Variants in SMOC2 observed in about 807,000 individuals in gnomAD.
SMOC2 encodes the protein SPARC related modular calcium binding 2.
In SMOC2, 39 loss-of-function variants were observed where a neutral mutation model predicts 61.4. That is an observed-to-expected ratio of 0.64 (90% CI 0.49 to 0.83). SMOC2 has a LOEUF of 0.83. Ranked by LOEUF, SMOC2 falls within the 40% of genes least tolerant of loss-of-function variation. The pLI, the probability that SMOC2 is intolerant of heterozygous loss-of-function variation, is 0.00. For missense variants in SMOC2, 556 were observed against 592.9 expected, an observed-to-expected ratio of 0.94 and a Z score of 0.65; for synonymous variants, 247 against 239.9, an observed-to-expected ratio of 1.03 and a Z score of -0.27.
chr6:168,599,559 C>A (rs1245758471), intron 8 of SMOC2, among the ~76,000 whole-genome samples: 6 of 23,092 alleles, frequency 2.6e-4, no homozygotes, highest in Non-Finnish European at 6.1e-4. Context: ...CTCATACCCC[C>A]ATACACACCC....
At chr6:168,632,635 T>A (rs549625172) in intron 9 of SMOC2, among the ~76,000 whole-genome samples, 2 of 152,240 alleles carry the variant, frequency 1.3e-5, no homozygotes, top group Non-Finnish European at 2.9e-5. Flanking sequence ...TTTTGAGCTA[T>A]GATTTTTTGA....
chr6:168,644,303 C>T lies in SMOC2; in HGVS notation c.908-6378C>T, dbSNP rs1786969543. On this transcript the variant is annotated intron_variant, in intron 9 of 12. Coordinates refer to ENST00000356284, the MANE Select transcript of SMOC2 (RefSeq NM_001166412.2). ...CTTCAGCGGGGCTGCCACTCAGAGG[C>T]TCAACATCTTCCCTGCTTTTCTGTA... 2.0e-5 allele frequency among the ~76,000 whole-genome samples: 3 copies of T among 152,210 alleles called. No homozygotes were observed. The South Asian group carries it at 6.2e-4, about 31-fold the overall frequency.
In SMOC2 at chr6:168,454,507, C is replaced by T. The variant is rs1274017441; in HGVS notation, c.84+13053C>T. ...AGGACACGTGCCCCCAACTCATCTC[C>T]CCATCCTGGGTAGGGCCAGACTGCG... On this transcript the variant is annotated intron_variant, in intron 1 of 12. Transcript: ENST00000356284. Among the ~76,000 whole-genome samples the T allele has an allele frequency of 3.3e-5, 5 of 152,146 alleles. No individual in the cohort carries two copies. The East Asian group carries it at 9.6e-4, about 29-fold the overall frequency.
chr6:168,486,097 T>C (rs1782326391), intron 1 of SMOC2, among the ~76,000 whole-genome samples: 1 of 152,240 alleles, frequency 6.6e-6, no homozygotes, highest in South Asian at 2.1e-4. Flanking sequence ...TTATCTTCTC[T>C]ACTTCTTACT....
chr6:168,579,160 TC>T (rs1784871200), intron 7 of SMOC2, among the ~76,000 whole-genome samples: 1 of 152,240 alleles, frequency 6.6e-6, no homozygotes, highest in African/African-American at 2.4e-5. Context: ...TCACACTGTG[TC>T]CTGTTCCCCT....
intron 7 of SMOC2, among the ~76,000 whole-genome samples, chr6:168,570,586 CGGA>C (rs1235520975): frequency 6.6e-6 from 1 of 152,090 alleles, no homozygotes; most frequent in Non-Finnish European, 1.5e-5. Context: ...GAAAGCAAAT[CGGA>C]GGCACTGAAG....
rs748193362 is a variant in SMOC2, at chr6:168,518,726, AGT to A, written c.257-7616_257-7615del. On this transcript the variant is annotated intron_variant, in intron 2 of 12. Coordinates refer to ENST00000356284, the MANE Select transcript of SMOC2 (RefSeq NM_001166412.2). ...CATGTGTGAGTGTTATGCTTATGTG[AGT>A]GTGCATGTGTGTGAATGTGCATGTG... Among the ~76,000 whole-genome samples, 48 of 139,464 alleles carry A rather than the reference AGT, an allele frequency of 3.4e-4. No homozygotes were observed. In the South Asian group the frequency reaches 4.9e-3, roughly 14 times the overall value. 91.5% of individuals were successfully genotyped at this position (139,464 alleles called of 152,430 possible). A position where few individuals can be genotyped will look rare whatever the true frequency, so the allele number is the denominator to read the frequency against.
intron 12 of SMOC2, 70 bp from the exon 13 acceptor site, chr6:168,666,351 C>T: frequency 1.3e-6 from 2 of 1,592,542 alleles, no homozygotes; most frequent in Non-Finnish European, 1.7e-6. Flanking sequence ...AGAAGCCAAG[C>T]CTTAGTCTTC....
At chr6:168,484,844 T>C (rs1228525959) in intron 1 of SMOC2, among the ~76,000 whole-genome samples, 1 of 152,152 alleles carries the variant, frequency 6.6e-6, no homozygotes, top group African/African-American at 2.4e-5. Context: ...TAGAAGCCAG[T>C]CACTAAAAGG....
At position 168,519,202 on chromosome 6, in the gene SMOC2, T is replaced by C. The variant is rs62424676; in HGVS notation, c.257-7144T>C. Among the ~76,000 whole-genome samples, 558 of 132,050 alleles carry C rather than the reference T, an allele frequency of 4.2e-3. 5 individuals carry two copies. Among genetic ancestry groups the C allele is most frequent in the East Asian group, 0.035 (161 of 4,572 alleles). 86.6% of individuals were successfully genotyped at this position (132,050 alleles called of 152,430 possible). ...GTATGCGTGCATGTGTATGTGTGTG[T>C]ATGCATGCGTGTGTGAGAGAGTGTG... is the stretch of plus-strand genomic sequence containing the variant. On this transcript the variant is annotated intron_variant, in intron 2 of 12. Coordinates refer to ENST00000356284, the MANE Select transcript of SMOC2 (RefSeq NM_001166412.2).
At chr6:168,499,876 T>C (rs1003922329) in intron 1 of SMOC2, among the ~76,000 whole-genome samples, 6 of 152,162 alleles carry the variant, frequency 3.9e-5, no homozygotes, top group Non-Finnish European at 7.3e-5. Flanking sequence ...CATGTTCTTC[T>C]CCGCACAATT....
chr6:168,541,086 T>C (rs1050005776), intron 4 of SMOC2, among the ~76,000 whole-genome samples: 2 of 152,234 alleles, frequency 1.3e-5, no homozygotes, highest in African/African-American at 4.8e-5. Flanking sequence ...TAACAGCTAT[T>C]ATTCCTCCCT....
chr6:168,520,759 AC>A (rs1447203442), intron 2 of SMOC2, among the ~76,000 whole-genome samples: 3 of 152,236 alleles, frequency 2.0e-5, no homozygotes, highest in Non-Finnish European at 2.9e-5. Context: ...AGGAAGAGTT[AC>A]TTTGATTCAC....
At chr6:168,577,221 T>C (rs2115152334) in intron 7 of SMOC2, among the ~76,000 whole-genome samples, 1 of 152,226 alleles carries the variant, frequency 6.6e-6, no homozygotes, top group East Asian at 1.9e-4. Flanking sequence ...CAGGATGCCT[T>C]ATTCCATCTA....
intron 11 of SMOC2, among the ~76,000 whole-genome samples, chr6:168,656,966 A>G (rs928238791): frequency 6.6e-6 from 1 of 152,198 alleles, no homozygotes; most frequent in African/African-American, 2.4e-5. Flanking sequence ...GAGGTCAGAG[A>G]GAATCCTCAG....
intron 9 of SMOC2, among the ~76,000 whole-genome samples, chr6:168,619,252 C>T (rs1400167016): frequency 6.6e-6 from 1 of 152,172 alleles, no homozygotes; most frequent in Admixed American, 6.5e-5. Flanking sequence ...GGACAGTCAG[C>T]TCTGGCCAGT....
intron 1 of SMOC2, among the ~76,000 whole-genome samples, chr6:168,482,614 G>A (rs1352032403): frequency 6.6e-6 from 1 of 151,982 alleles, no homozygotes; most frequent in Non-Finnish European, 1.5e-5. Flanking sequence ...AAGGCAACTA[G>A]AGGCCAATAT....
chr6:168,496,969 G>A (rs1225114848), intron 1 of SMOC2, among the ~76,000 whole-genome samples: 1 of 152,250 alleles, frequency 6.6e-6, no homozygotes, highest in Non-Finnish European at 1.5e-5. Flanking sequence ...TCTCCTCCAG[G>A]CGAGGGGAAG....
chr6:168,459,564 G>GTGAGCCCTGGGGTGGA (rs1781668996), intron 1 of SMOC2, among the ~76,000 whole-genome samples: 1 of 147,406 alleles, frequency 6.8e-6, no homozygotes, highest in Non-Finnish European at 1.5e-5. Context: ...CCTGGGGTGG[G>GTGAGCCCTGGGGTGGA]TGAGCCCTGG....
Sources: gnomAD v4.1 joint callset for allele counts (sites outside exome capture counted in the v4.1 genomes callset) on GRCh38, gnomAD v4.1.1 for gene constraint, MANE v1.5 for transcripts, NCBI Gene and HGNC (gene_info 2026-07-23, HGNC 2026-07-21) for gene names.